LRRC49: variants seen among roughly 807,000 people sequenced by gnomAD.
LRRC49 encodes leucine-rich repeat-containing protein 49.
A neutral mutation model predicts 83.3 loss-of-function variants in LRRC49; 50 were observed. The observed-to-expected ratio is 0.60, with a 90% CI of 0.48 to 0.76. LRRC49 has a LOEUF of 0.76. LRRC49 is among the 30% of genes least tolerant of loss of function. The pLI is 0.00. For synonymous variants in LRRC49, 286 were observed against 283.3 expected (o/e 1.01, Z -0.10); for missense variants, 704 against 809.1 (o/e 0.87, Z 1.58).
At chr15:70,902,966 T>C (rs955218382) in intron 4 of LRRC49, among the ~76,000 whole-genome samples, 1 of 152,164 alleles carries the variant, frequency 6.6e-6, no homozygotes. Context: ...GCCTTGGCAC[T>C]GGGACTTAAC....
intron 12 of LRRC49, among the ~76,000 whole-genome samples, chr15:71,009,163 A>G (rs2038563350): frequency 6.6e-6 from 1 of 151,712 alleles, no homozygotes; most frequent in African/African-American, 2.4e-5. Context: ...CAGCCAAGAG[A>G]CTTCCCTCAC....
chr15:70,898,969 G>A (rs1396148441), intron 3 of LRRC49, among the ~76,000 whole-genome samples: 4 of 151,950 alleles, frequency 2.6e-5, no homozygotes, highest in African/African-American at 9.7e-5. Context: ...TATTTAGAAG[G>A]TCTTGTTGTA....
intron 14 of LRRC49, among the ~76,000 whole-genome samples, chr15:71,031,129 C>T (rs1033377685): frequency 1.3e-5 from 2 of 152,140 alleles, no homozygotes; most frequent in Admixed American, 1.3e-4. Context: ...TTTTCCTCAT[C>T]TTTGTGGATT....
chr15:70,871,745 C>T (rs1413204585), intron 1 of LRRC49, among the ~76,000 whole-genome samples: 1 of 151,254 alleles, frequency 6.6e-6, no homozygotes, highest in Non-Finnish European at 1.5e-5. Context: ...ACACACTCCT[C>T]AGATCCCAGA....
chr15:70,853,769 C>A, intron 1 of LRRC49: 1 of 718,844 alleles, frequency 1.4e-6, no homozygotes, highest in Non-Finnish European at 1.9e-6. Flanking sequence ...GCTTCCCCGG[C>A]GGCGGGGCTG....
chr15:70,861,037 G>T (rs979575023), intron 1 of LRRC49, among the ~76,000 whole-genome samples: 1 of 152,166 alleles, frequency 6.6e-6, no homozygotes, highest in African/African-American at 2.4e-5. Context: ...ACACGCTCTG[G>T]ATTTGTTTGC....
chr15:70,952,228 T>C (rs2036242704), intron 8 of LRRC49, among the ~76,000 whole-genome samples: 1 of 151,932 alleles, frequency 6.6e-6, no homozygotes, highest in Admixed American at 6.6e-5. Context: ...TTTTTTTTTT[T>C]TTCTGTGTCT....
chr15:70,936,740 T>G (rs1194734670), intron 7 of LRRC49, 21 bp from the exon 8 acceptor site: 14 of 1,536,438 alleles, frequency 9.1e-6, no homozygotes, highest in East Asian at 2.2e-5. Context: ...TGATTAAGTT[T>G]TGCTGTCTAT....
At chr15:70,949,435 C>T (rs1401052135) in intron 8 of LRRC49, among the ~76,000 whole-genome samples, 1 of 152,146 alleles carries the variant, frequency 6.6e-6, no homozygotes, top group African/African-American at 2.4e-5. Context: ...CCAGTCATAT[C>T]AAAGCGTAGC....
chr15:70,967,639 C>G (rs1017702494), intron 9 of LRRC49, among the ~76,000 whole-genome samples: 1 of 152,014 alleles, frequency 6.6e-6, no homozygotes, highest in Admixed American at 6.6e-5. Context: ...ACATCTAGAG[C>G]AAGGGTTGGC....
At chr15:71,042,760 A>T (rs1030596832) in intron 15 of LRRC49, among the ~76,000 whole-genome samples, 7 of 152,194 alleles carry the variant, frequency 4.6e-5, no homozygotes, top group African/African-American at 1.7e-4. Context: ...CTCCTGACTC[A>T]TCTAAAAAAG....
At chr15:70,987,170 C>G (rs1037300588) in intron 11 of LRRC49, among the ~76,000 whole-genome samples, 2 of 152,098 alleles carry the variant, frequency 1.3e-5, no homozygotes, top group Non-Finnish European at 2.9e-5. Flanking sequence ...AGGGAGGATT[C>G]CCTCTTTTTC....
In LRRC49 at chr15:70,998,683, A is replaced by C. The variant is rs566381981; in HGVS notation, c.1170-9696A>C. ...GGATCTATGAGTTTATCCTAGTCAGAGTTCATTGAGCCTCTTGGATATGTT... is the reference window on the plus strand; with the variant it reads ...GGATCTATGAGTTTATCCTAGTCAGCGTTCATTGAGCCTCTTGGATATGTT... On this transcript the variant is annotated intron_variant, in intron 11 of 15. Transcript: ENST00000260382. 3.3e-5 allele frequency among the ~76,000 whole-genome samples: 5 copies of C among 152,090 alleles called. No individual in the cohort carries two copies. In the South Asian group the frequency reaches 1.0e-3, roughly 32 times the overall value.
rs185408880 is a variant in LRRC49, at chr15:70,899,151, A to C, written c.194-1771A>C. ...TCCTTTATTCACTGAGTGTAAATTT[A>C]ATCTTTGGTTATTGCCTCTGTATCT... is the stretch of plus-strand genomic sequence containing the variant. On this transcript the variant is annotated intron_variant, in intron 3 of 15. Transcript: ENST00000260382. Among the ~76,000 whole-genome samples the C allele has an allele frequency of 1.4e-3, 215 of 152,312 alleles. 1 individual carries two copies. The highest frequency in any genetic ancestry group is 5.1e-3 in the African/African-American group (211 of 41,580).
chr15:70,864,107 G>A (rs2032859577), intron 1 of LRRC49, among the ~76,000 whole-genome samples: 1 of 152,164 alleles, frequency 6.6e-6, no homozygotes, highest in African/African-American at 2.4e-5. Context: ...TGACTAGCTA[G>A]ATTCGTCTAT....
chr15:70,946,054 A>G (rs760216702), intron 8 of LRRC49, among the ~76,000 whole-genome samples: 2 of 152,214 alleles, frequency 1.3e-5, no homozygotes, highest in South Asian at 2.1e-4. Context: ...ATTAACATAT[A>G]TGTTACCTCA....
chr15:70,903,055 A>G (rs184958032), intron 4 of LRRC49, among the ~76,000 whole-genome samples: 1 of 152,110 alleles, frequency 6.6e-6, no homozygotes, highest in Admixed American at 6.5e-5. Flanking sequence ...GAGGTTATTT[A>G]TTTTCCTGTC....
chr15:71,025,213 C>T (rs2039124953), intron 14 of LRRC49, among the ~76,000 whole-genome samples: 1 of 152,120 alleles, frequency 6.6e-6, no homozygotes, highest in Non-Finnish European at 1.5e-5. Context: ...GTAAGATACT[C>T]CATGAGAAGA....
intron 14 of LRRC49, among the ~76,000 whole-genome samples, chr15:71,029,205 C>T (rs1164357302): frequency 3.9e-5 from 6 of 152,000 alleles, no homozygotes. Context: ...CATTATTTAC[C>T]GAGTAGTCAT....
Sources: allele counts gnomAD v4.1 joint callset (sites outside exome capture counted in the v4.1 genomes callset), GRCh38; gene constraint gnomAD v4.1.1; transcripts MANE v1.5; gene names NCBI Gene and HGNC (gene_info 2026-07-23, HGNC 2026-07-21).